Variants in GUCY1A2 observed in about 807,000 individuals in gnomAD.
The protein encoded by GUCY1A2 is guanylate cyclase 1 soluble subunit alpha 2.
A neutral mutation model predicts 63.5 loss-of-function variants in GUCY1A2; 27 were observed. The observed-to-expected ratio is 0.43, with a 90% CI of 0.31 to 0.59. The LOEUF (loss-of-function observed/expected upper bound fraction) is 0.59. Ranked by LOEUF, GUCY1A2 falls within the 20% of genes least tolerant of loss-of-function variation. GUCY1A2 has a pLI of 0.11. For missense variants in GUCY1A2, 768 were observed against 913.3 expected (o/e 0.84, Z 2.05); for synonymous variants, 364 against 343.5 (o/e 1.06, Z -0.66).
rs192165511 is a variant in GUCY1A2 at position 106,902,991 on chromosome 11, G to T, written c.1206+36469C>A. Among the ~76,000 whole-genome samples the T allele has an allele frequency of 3.0e-4, 46 of 152,202 alleles. 1 individual carries two copies. The highest frequency in any genetic ancestry group is 5.4e-4 in the Non-Finnish European group (37 of 68,006). On this transcript the variant is annotated intron_variant, in intron 4 of 7. Transcript: ENST00000526355. ...ACGACAGTACATGCCTCTTGATTAT[G>T]AATCTATGTCTTGCAAAACTTTTCA...
At chr11:106,931,049 T>C (rs1860594386) in intron 4 of GUCY1A2, among the ~76,000 whole-genome samples, 1 of 152,216 alleles carries the variant, frequency 6.6e-6, no homozygotes, top group Non-Finnish European at 1.5e-5. Flanking sequence ...GAACAGAAGT[T>C]TCTCCATAAA....
In GUCY1A2 at chr11:106,947,522, T is replaced by C. The variant is rs548979355; in HGVS notation, c.488-7344A>G. On this transcript the variant is annotated intron_variant, in intron 3 of 7. Coordinates refer to ENST00000526355, the MANE Select transcript of GUCY1A2 (RefSeq NM_000855.3). Reference sequence around the variant, plus strand: ...AAAAGGCAAAGTCAGAAAAATAAAATAGCAAAAGCAACAAACTCAAAACAT... The same window carrying C: ...AAAAGGCAAAGTCAGAAAAATAAAACAGCAAAAGCAACAAACTCAAAACAT... Among the ~76,000 whole-genome samples, 206 of 151,850 alleles carry C rather than the reference T, an allele frequency of 1.4e-3. 1 individual carries two copies. Among genetic ancestry groups the C allele is most frequent in the African/African-American group, 4.8e-3 (201 of 41,498 alleles).
chr11:106,728,998 T>C (rs1260651660), intron 6 of GUCY1A2, among the ~76,000 whole-genome samples: 3 of 152,178 alleles, frequency 2.0e-5, no homozygotes, highest in African/African-American at 4.8e-5. Flanking sequence ...CACTTATTCA[T>C]TCATTCACCA....
At chr11:106,865,145 A>T (rs111600362) in intron 4 of GUCY1A2, among the ~76,000 whole-genome samples, 1 of 152,042 alleles carries the variant, frequency 6.6e-6, no homozygotes, top group African/African-American at 2.4e-5. Context: ...GTGTCCAGGA[A>T]TTTATTCACT....
intron 4 of GUCY1A2, chr11:106,936,660 T>C (rs1313481062): frequency 2.6e-6 from 4 of 1,530,730 alleles, no homozygotes; most frequent in Non-Finnish European, 3.5e-6. Context: ...CTCAAGACTG[T>C]TGAATCCTGC....
At chr11:106,751,916 ATC>A (rs1863888609) in intron 6 of GUCY1A2, among the ~76,000 whole-genome samples, 1 of 152,186 alleles carries the variant, frequency 6.6e-6, no homozygotes, top group African/African-American at 2.4e-5. Context: ...ACATTGATAA[ATC>A]TGTTTAATTC....
intron 7 of GUCY1A2, among the ~76,000 whole-genome samples, chr11:106,696,748 C>T (rs1862726882): frequency 6.6e-6 from 1 of 152,082 alleles, no homozygotes; most frequent in Non-Finnish European, 1.5e-5. Context: ...CAACCGACTT[C>T]TTATATGAAC....
intron 3 of GUCY1A2, among the ~76,000 whole-genome samples, chr11:106,943,580 T>C (rs1531072): frequency 0.9 from 137,223 of 152,244 alleles, 61,935 homozygotes; most frequent in East Asian, 1. Flanking sequence ...TGGCATTTCT[T>C]GAGGACAAGG....
chr11:106,748,390 T>C (rs1232058618), intron 6 of GUCY1A2, among the ~76,000 whole-genome samples: 1 of 152,110 alleles, frequency 6.6e-6, no homozygotes, highest in Non-Finnish European at 1.5e-5. Context: ...TATGTACACA[T>C]ACTTATACAG....
Position 106,675,468 on chromosome 11 carries a change from A to T in GUCY1A2, c.*12081T>A, listed in dbSNP as rs550003617. On this transcript the variant is annotated 3_prime_UTR_variant, in exon 8 of 8. Transcript: ENST00000526355. ...CTCCAAATTCTTAAAGGAGACAATG[A>T]ATTAGTAGCTTGTAAATTTTGCAGA... The T allele has an allele frequency of 5.0e-6, 1 of 201,642 alleles. No homozygotes were observed. The highest frequency in any genetic ancestry group is 1.0e-5 in the Non-Finnish European group (1 of 98,056). 12.5% of individuals were successfully genotyped at this position (201,642 alleles called of 1,614,324 possible).
In GUCY1A2 at chr11:106,674,134, AAC is replaced by A. The variant is rs1159833138; in HGVS notation, c.*13413_*13414del. On this transcript the variant is annotated 3_prime_UTR_variant, in exon 8 of 8. Coordinates refer to ENST00000526355, the MANE Select transcript of GUCY1A2 (RefSeq NM_000855.3). ...ATTTTGTAATGAATTATGTAAATAT[AAC>A]ACAGAACTATCATTTCCACTTTGTT... The A allele has an allele frequency of 5.5e-6, 1 of 182,170 alleles. No individual in the cohort carries two copies. The highest frequency in any genetic ancestry group is 1.2e-5 in the Non-Finnish European group (1 of 85,426). The allele number at this position is 182,170 out of a possible 1,614,324, so 11.3% of individuals were successfully genotyped here. A position where few individuals can be genotyped will look rare whatever the true frequency, so the allele number is the denominator to read the frequency against.
At chr11:106,945,952 C>T (rs563230736) in intron 3 of GUCY1A2, among the ~76,000 whole-genome samples, 1 of 152,074 alleles carries the variant, frequency 6.6e-6, no homozygotes, top group African/African-American at 2.4e-5. Context: ...GCAACAAGAG[C>T]GAAACCCATC....
At chr11:106,742,575 T>G in intron 6 of GUCY1A2, among the ~76,000 whole-genome samples, 1 of 152,228 alleles carries the variant, frequency 6.6e-6, no homozygotes, top group East Asian at 1.9e-4. Flanking sequence ...CACATTTTCT[T>G]TATCCAGCCT....
At chr11:106,967,640 C>G (rs1362099181) in intron 3 of GUCY1A2, among the ~76,000 whole-genome samples, 1 of 150,750 alleles carries the variant, frequency 6.6e-6, no homozygotes, top group Non-Finnish European at 1.5e-5. Context: ...GTAATCTAAG[C>G]CAGCAGTTAT....
At chr11:106,812,416 G>T (rs1203962650) in intron 4 of GUCY1A2, among the ~76,000 whole-genome samples, 2 of 151,036 alleles carry the variant, frequency 1.3e-5, no homozygotes, top group Admixed American at 1.3e-4. Flanking sequence ...TTTATTTGGT[G>T]TTTGTCTCTC....
intron 3 of GUCY1A2, among the ~76,000 whole-genome samples, chr11:106,952,054 G>A (rs982936470): frequency 6.6e-6 from 1 of 152,132 alleles, no homozygotes; most frequent in Non-Finnish European, 1.5e-5. Flanking sequence ...TTGCAGATAT[G>A]TGGTGTTATT....
chr11:106,727,588 C>T (rs1213119273), intron 6 of GUCY1A2, among the ~76,000 whole-genome samples: 2 of 152,024 alleles, frequency 1.3e-5, no homozygotes, highest in African/African-American at 2.4e-5. Context: ...TTCAAGGACT[C>T]CTTTGCTCCA....
intron 4 of GUCY1A2, among the ~76,000 whole-genome samples, chr11:106,916,444 A>C (rs1860371234): frequency 6.9e-6 from 1 of 145,358 alleles, no homozygotes; most frequent in Non-Finnish European, 1.5e-5. Flanking sequence ...TAAGAAATCA[A>C]AGCAGGTAGC....
chr11:106,703,416 C>A (rs939613244), intron 7 of GUCY1A2, among the ~76,000 whole-genome samples: 3 of 152,132 alleles, frequency 2.0e-5, no homozygotes, highest in Middle Eastern at 3.4e-3. Context: ...TCCAGTGGGC[C>A]TGACATAATC....
Sources: gnomAD v4.1 joint callset for allele counts (sites outside exome capture counted in the v4.1 genomes callset) on GRCh38, gnomAD v4.1.1 for gene constraint, MANE v1.5 for transcripts, NCBI Gene and HGNC (gene_info 2026-07-23, HGNC 2026-07-21) for gene names.